The following SPIDR variants were observed in gnomAD, a reference collection of about 807,000 sequenced individuals.
The protein encoded by SPIDR is DNA repair-scaffolding protein.
A neutral mutation model predicts 104.6 loss-of-function variants in SPIDR; 93 were observed. The observed-to-expected ratio is 0.89, with a 90% confidence interval of 0.75 to 1.06. The LOEUF is 1.06. Ranked by LOEUF, SPIDR falls within the 50% of genes least tolerant of loss-of-function variation. The pLI is 0.00. For missense variants in SPIDR, 1,154 were observed against 1,111.2 expected (o/e 1.04, Z -0.55); for synonymous variants, 431 against 416.9 (o/e 1.03, Z -0.41).
chr8:47,614,999 G>A (rs780610641), intron 10 of SPIDR, among the ~76,000 whole-genome samples: 6 of 151,826 alleles, frequency 4.0e-5, no homozygotes, highest in African/African-American at 7.3e-5. Flanking sequence ...CATGCTTTGC[G>A]AAATTTTCCT....
intron 8 of SPIDR, among the ~76,000 whole-genome samples, chr8:47,543,835 A>G (rs930400529): frequency 6.6e-6 from 1 of 152,180 alleles, no homozygotes. Flanking sequence ...TGCATTGTCA[A>G]GCTGGTGGGC....
intron 8 of SPIDR, among the ~76,000 whole-genome samples, chr8:47,584,404 T>C (rs920062915): frequency 3.3e-5 from 5 of 152,226 alleles, no homozygotes; most frequent in Admixed American, 6.5e-5. Flanking sequence ...GGTAATATGC[T>C]AATCAAAACT....
At chr8:47,310,293 C>T (rs587708635) in intron 5 of SPIDR, among the ~76,000 whole-genome samples, 17 of 148,748 alleles carry the variant, frequency 1.1e-4, no homozygotes, top group East Asian at 3.9e-4. Flanking sequence ...GAGATCGCGC[C>T]GCTGCACTCC....
intron 10 of SPIDR, among the ~76,000 whole-genome samples, chr8:47,663,647 T>C (rs2074448819): frequency 1.3e-5 from 2 of 152,224 alleles, no homozygotes; most frequent in South Asian, 2.1e-4. Flanking sequence ...GGCTCATTTC[T>C]TGTGTTCAAG....
chr8:47,656,440 T>G (rs2072829484), intron 10 of SPIDR, among the ~76,000 whole-genome samples: 1 of 151,984 alleles, frequency 6.6e-6, no homozygotes. Context: ...GAAATGCAAA[T>G]AAAAACCACA....
intron 5 of SPIDR, among the ~76,000 whole-genome samples, chr8:47,304,046 A>C (rs1314767055): frequency 1.3e-5 from 2 of 151,826 alleles, no homozygotes; most frequent in African/African-American, 4.9e-5. Context: ...TATTAAGTTG[A>C]TAGTACTTTT....
intron 10 of SPIDR, among the ~76,000 whole-genome samples, chr8:47,609,521 G>A (rs765938839): frequency 2.6e-5 from 4 of 152,016 alleles, no homozygotes; most frequent in Admixed American, 6.6e-5. Flanking sequence ...CTTATTTTTG[G>A]CATTTGTTAC....
rs1273292235 is a variant in SPIDR, at chr8:47,401,751, T to C, written c.776+5125T>C. 2.0e-5 allele frequency among the ~76,000 whole-genome samples: 3 copies of C among 152,244 alleles called. No homozygotes were observed. The East Asian group carries it at 5.8e-4, about 29-fold the overall frequency. ...AGAGACAAAGAAGGCCATTACATAA[T>C]GGTAAAGGGATCAATTCAACAAGAA... On this transcript the variant is annotated intron_variant, in intron 6 of 19. Transcript: ENST00000297423.
At chr8:47,316,853 T>A (rs1236413510) in intron 5 of SPIDR, among the ~76,000 whole-genome samples, 1 of 152,164 alleles carries the variant, frequency 6.6e-6, no homozygotes, top group Non-Finnish European at 1.5e-5. Context: ...AAAAAGTAAA[T>A]ACATATTAAT....
At position 47,560,641 on chromosome 8, in the gene SPIDR, T is replaced by C. The variant is rs1178775914; in HGVS notation, c.1098-35170T>C. Among the ~76,000 whole-genome samples, 4 of 152,318 alleles carry C rather than the reference T, an allele frequency of 2.6e-5. No homozygotes were observed. The East Asian group carries it at 7.7e-4, about 29-fold the overall frequency. On this transcript the variant is annotated intron_variant, in intron 8 of 19. Transcript: ENST00000297423. ...ATTGTGCCTGTCTGGCTGATGATGATTTTTTCTTCTTTTACTTTTTTTATT... is the reference window on the plus strand; with the variant it reads ...ATTGTGCCTGTCTGGCTGATGATGACTTTTTCTTCTTTTACTTTTTTTATT...
At chr8:47,564,407 C>T (rs946429321) in intron 8 of SPIDR, among the ~76,000 whole-genome samples, 2 of 147,998 alleles carry the variant, frequency 1.4e-5, no homozygotes, top group African/African-American at 2.5e-5. Context: ...AGGCTGGGTG[C>T]GGTGGCTCAC....
intron 8 of SPIDR, among the ~76,000 whole-genome samples, chr8:47,504,130 G>A (rs966022835): frequency 1.3e-5 from 2 of 152,096 alleles, no homozygotes; most frequent in Admixed American, 6.6e-5. Flanking sequence ...TGCTCTTCTC[G>A]AGGAGTGTCT....
Position 47,399,041 on chromosome 8 carries a change from G to A in SPIDR, c.776+2415G>A, listed in dbSNP as rs144036517. Among the ~76,000 whole-genome samples the A allele has an allele frequency of 1.8e-3, 281 of 152,358 alleles. 1 individual carries two copies. The highest frequency in any genetic ancestry group is 6.6e-3 in the African/African-American group (273 of 41,582). ...GAAAGAGAGAAACTGAAGACAGCAC[G>A]ATGGAACTCTGGAGAAGTTTTGCTT... On this transcript the variant is annotated intron_variant, in intron 6 of 19. Transcript: ENST00000297423.
chr8:47,549,589 T>C (rs937533842), intron 8 of SPIDR, among the ~76,000 whole-genome samples: 1 of 152,256 alleles, frequency 6.6e-6, no homozygotes, highest in Admixed American at 6.5e-5. Flanking sequence ...TGTCTGTTCA[T>C]ATCCTTCACC....
intron 8 of SPIDR, among the ~76,000 whole-genome samples, chr8:47,586,309 A>G (rs2060244525): frequency 6.6e-6 from 1 of 152,118 alleles, no homozygotes. Context: ...TTTTTTTTCC[A>G]AAAGAAAAAA....
intron 10 of SPIDR, among the ~76,000 whole-genome samples, chr8:47,664,572 G>A (rs2074621889): frequency 6.6e-6 from 1 of 152,002 alleles, no homozygotes; most frequent in Non-Finnish European, 1.5e-5. Context: ...GGGCTCAATA[G>A]TAGGTTTGAG....
chr8:47,599,274 T>C, intron 10 of SPIDR, 78 bp downstream of exon 10: 1 of 1,552,868 alleles, frequency 6.4e-7, no homozygotes, highest in Admixed American at 1.9e-5. Context: ...GAGCCTCTTC[T>C]CAGAGCACGT....
intron 3 of SPIDR, among the ~76,000 whole-genome samples, chr8:47,286,273 C>T (rs895247252): frequency 2.0e-5 from 3 of 152,128 alleles, no homozygotes; most frequent in Admixed American, 1.3e-4. Context: ...CCTGGGTGTG[C>T]GTCTCAGGCA....
chr8:47,263,599 G>A (rs1434763341), intron 1 of SPIDR, among the ~76,000 whole-genome samples: 6 of 152,210 alleles, frequency 3.9e-5, no homozygotes, highest in East Asian at 1.9e-4. Context: ...GATTACAGGC[G>A]TGAGCCACTG....
Sources: allele counts gnomAD v4.1 joint callset (sites outside exome capture counted in the v4.1 genomes callset), GRCh38; gene constraint gnomAD v4.1.1; transcripts MANE v1.5; gene names NCBI Gene and HGNC (gene_info 2026-07-23, HGNC 2026-07-21).